GNE: variants seen among roughly 807,000 people sequenced by gnomAD.
The protein encoded by GNE is bifunctional UDP-N-acetylglucosamine 2-epimerase/N-acetylmannosamine kinase.
GNE carries 41 observed loss-of-function variants against 61.8 expected under a neutral mutation model. The observed-to-expected ratio is 0.66, with a 90% CI of 0.52 to 0.86. GNE has a LOEUF of 0.86. GNE is among the 40% of genes least tolerant of loss of function. The probability of loss-of-function intolerance (pLI) is 0.00; values close to 1 mark genes in which losing one functional copy is unlikely to be tolerated. For missense variants in GNE, 608 were observed against 909.1 expected, an observed-to-expected ratio of 0.67 and a Z score of 4.26; for synonymous variants, 264 against 326.4, an observed-to-expected ratio of 0.81 and a Z score of 2.06.
chr9:36,248,400 C>T (rs929443866), intron 2 of GNE, among the ~76,000 whole-genome samples: 7 of 151,642 alleles, frequency 4.6e-5, no homozygotes, highest in Non-Finnish European at 8.8e-5. Context: ...TTGCAACCTC[C>T]GCCTCCCGGG....
At chr9:36,275,011 A>G (rs1452475863) in intron 1 of GNE, among the ~76,000 whole-genome samples, 1 of 152,204 alleles carries the variant, frequency 6.6e-6, no homozygotes, top group Non-Finnish European at 1.5e-5. Flanking sequence ...GGCGCGAGCC[A>G]CCGCACCCGG....
At chr9:36,257,536 G>A (rs1245854560) in intron 1 of GNE, among the ~76,000 whole-genome samples, 2 of 151,890 alleles carry the variant, frequency 1.3e-5, no homozygotes. Context: ...GGGCGCGGTG[G>A]CTCACGCCTG....
chr9:36,228,793 CAAAAAAAA>C (rs71336431), intron 6 of GNE, among the ~76,000 whole-genome samples: 1 of 72,580 alleles, frequency 1.4e-5, no homozygotes. Flanking sequence ...GAGTCCATCT[CAAAAAAAA>C]AAAAAAAAAA....
chr9:36,262,809 T>A (rs1414150314), upstream of GNE, among the ~76,000 whole-genome samples: 1 of 152,206 alleles, frequency 6.6e-6, no homozygotes, highest in Non-Finnish European at 1.5e-5. Flanking sequence ...GTAACAGACT[T>A]GTCTTATTTT....
chr9:36,238,574 T>G (rs1829504427), intron 3 of GNE, among the ~76,000 whole-genome samples: 2 of 152,258 alleles, frequency 1.3e-5, no homozygotes, highest in Admixed American at 6.5e-5. Flanking sequence ...TTCATGTCCT[T>G]AGCCCACTTT....
chr9:36,224,445 CA>C (rs1428311517), intron 7 of GNE, among the ~76,000 whole-genome samples: 1 of 151,402 alleles, frequency 6.6e-6, no homozygotes, highest in Non-Finnish European at 1.5e-5. Context: ...AAAACAAAAA[CA>C]AAAAAACACT....
chr9:36,266,184 G>T (rs1830779705), intron 1 of GNE, among the ~76,000 whole-genome samples: 1 of 152,112 alleles, frequency 6.6e-6, no homozygotes, highest in Non-Finnish European at 1.5e-5. Flanking sequence ...ACCCACCTCA[G>T]CCTCCCAAAG....
chr9:36,231,274 G>A (rs2133058029), intron 5 of GNE, among the ~76,000 whole-genome samples: 1 of 152,128 alleles, frequency 6.6e-6, no homozygotes, highest in East Asian at 1.9e-4. Context: ...AGACAAGCCT[G>A]GACAACAAAG....
intron 1 of GNE, among the ~76,000 whole-genome samples, chr9:36,253,448 T>C (rs918617531): frequency 9.2e-5 from 14 of 151,450 alleles, no homozygotes; most frequent in Non-Finnish European, 5.9e-5. Flanking sequence ...CCAAATTTTT[T>C]TGTATTTTTA....
intron 7 of GNE, among the ~76,000 whole-genome samples, chr9:36,224,571 G>A (rs1050130629): frequency 2.0e-5 from 3 of 150,908 alleles, no homozygotes; most frequent in Admixed American, 6.6e-5. Context: ...ATACCACATT[G>A]TTTAAATTAT....
intron 1 of GNE, among the ~76,000 whole-genome samples, chr9:36,274,109 T>A (rs1168685189): frequency 1.5e-5 from 2 of 134,498 alleles, no homozygotes; most frequent in East Asian, 5.0e-4. Flanking sequence ...TGTGTGTGTG[T>A]GTGTGTGACA....
intron 1 of GNE, among the ~76,000 whole-genome samples, chr9:36,252,426 A>G (rs918619535): frequency 6.6e-6 from 1 of 152,210 alleles, no homozygotes; most frequent in African/African-American, 2.4e-5. Flanking sequence ...GGCAAAACAA[A>G]TCATTCATGG....
At chr9:36,270,515 TC>T (rs753719796) in intron 1 of GNE, among the ~76,000 whole-genome samples, 1 of 148,506 alleles carries the variant, frequency 6.7e-6, no homozygotes, top group Non-Finnish European at 1.5e-5. Flanking sequence ...AGGATTTCTT[TC>T]TTTTTTTTTT....
intron 1 of GNE, 68 bp from the exon 2 acceptor site, chr9:36,249,465 T>G (rs963494841): frequency 9.8e-7 from 1 of 1,019,298 alleles, no homozygotes; most frequent in African/African-American, 1.6e-5. Flanking sequence ...TTTAAACTTC[T>G]CTAAATCAGA....
intron 1 of GNE, among the ~76,000 whole-genome samples, chr9:36,265,755 A>G (rs960598099): frequency 2.6e-5 from 4 of 152,160 alleles, no homozygotes; most frequent in African/African-American, 9.6e-5. Context: ...ATCATCAGGC[A>G]TTAAATTCTC....
In GNE at chr9:36,217,585, C is replaced by T. The variant is rs1299435942; in HGVS notation, c.1949G>A (p.Gly650Asp). The T allele has an allele frequency of 1.9e-6, 3 of 1,612,666 alleles. No homozygotes were observed. The highest frequency in any genetic ancestry group is 2.2e-5 in the East Asian group (1 of 44,882). ...ATGGAGGATGTTCACAACCCCAAGA[C>T]CCAAAGCTGTTCCAGCTATAGGGAG... ...SILRTAGTAL[G>D]LGVVNILHTM... The change falls in exon 12 of 12, where the codon GGT becomes GAT. Residue 650 changes from glycine (G) to aspartate (D), a missense_variant. Physicochemically the swap from Gly to Asp is moderately conservative, Grantham distance 94. Transcript: ENST00000642385.
Position 36,218,193 on chromosome 9 carries a change from G to A in GNE, c.1923C>T (p.Ile641=), listed in dbSNP as rs1188551905. ...AKLGNAKAQS[I]LRTAGTALGL... The stretch of plus-strand genomic sequence containing the variant: ...CAGCCACATGCTCACCTGTTCTTAG[G>A]ATGCTCTGGGCCTTCGCATTGCCAA... Residue 641 remains isoleucine, a synonymous_variant, in exon 11 of 12, where the codon ATC becomes ATT. Transcript: ENST00000642385. This position sits in a 1 kb window ranked among gnomAD's most constrained non-coding sequence, Gnocchi z 4.1. 4 of 1,611,346 alleles carry A rather than the reference G, an allele frequency of 2.5e-6. No individual in the cohort carries two copies. The highest frequency in any genetic ancestry group is 3.4e-6 in the Non-Finnish European group (4 of 1,177,456).
At chr9:36,233,122 T>A (rs1829244219) in intron 5 of GNE, among the ~76,000 whole-genome samples, 1 of 152,246 alleles carries the variant, frequency 6.6e-6, no homozygotes. Flanking sequence ...ACAGCTTCCA[T>A]TAAATTCCAC....
At chr9:36,276,339 T>C (rs1431231372) in intron 1 of GNE, among the ~76,000 whole-genome samples, 1 of 152,196 alleles carries the variant, frequency 6.6e-6, no homozygotes, top group Admixed American at 6.5e-5. Flanking sequence ...AACTACACTA[T>C]AGTATAGCAC....
Sources: gnomAD v4.1 joint callset for allele counts (sites outside exome capture counted in the v4.1 genomes callset) on GRCh38, gnomAD v4.1.1 for gene constraint, Gnocchi (gnomAD v3.1) non-coding constraint, MANE v1.5 for transcripts, NCBI Gene and HGNC (gene_info 2026-07-23, HGNC 2026-07-21) for gene names.